MGAT1: variants seen among roughly 807,000 people sequenced by gnomAD.
MGAT1 encodes N-glycosyl-oligosaccharide-glycoprotein N-acetylglucosaminyltransferase I.
MGAT1 carries 14 observed loss-of-function variants against 31.7 expected under a neutral mutation model. That is an observed-to-expected ratio of 0.44 (90% CI 0.29 to 0.69). The LOEUF (loss-of-function observed/expected upper bound fraction) is 0.69, where lower values mean the gene tolerates loss of function less well. MGAT1 is among the 30% of genes least tolerant of loss of function. The pLI, the probability that MGAT1 is intolerant of heterozygous loss-of-function variation, is 0.12. For synonymous variants in MGAT1, 338 were observed against 276.0 expected, an observed-to-expected ratio of 1.22 and a Z score of -2.23; for missense variants, 557 against 626.0, an observed-to-expected ratio of 0.89 and a Z score of 1.18.
upstream of MGAT1, among the ~76,000 whole-genome samples, chr5:180,805,096 G>C (rs1014470908): frequency 3.3e-5 from 5 of 152,312 alleles, no homozygotes; most frequent in Non-Finnish European, 5.9e-5. Flanking sequence ...CTGAGCTCTT[G>C]ATAGAGGTTA....
At chr5:180,803,416 G>A (rs2113503316), upstream of MGAT1, 1 of 152,584 alleles carries the variant, frequency 6.6e-6, no homozygotes, top group Middle Eastern at 3.4e-3. Context: ...CAGCAGGGGA[G>A]GCCCACCAGC....
chr5:180,814,909 CCAGCCTAGGCGA>C (rs1460008080), intron 1 of MGAT1, among the ~76,000 whole-genome samples: 1 of 150,716 alleles, frequency 6.6e-6, no homozygotes, highest in Non-Finnish European at 1.5e-5. Context: ...CCACTGCACT[CCAGCCTAGGCGA>C]CAGAGTGAGA....
intron 1 of MGAT1, among the ~76,000 whole-genome samples, chr5:180,795,089 T>A (rs1769044145): frequency 6.6e-6 from 1 of 152,132 alleles, no homozygotes. Flanking sequence ...AAAGAGCACA[T>A]ACACTGTGAT....
At position 180,792,236 on chromosome 5, in the gene MGAT1, T is replaced by C. The variant is rs557462333; in HGVS notation, c.736A>G (p.Lys246Glu). 6.2e-7 allele frequency: 1 copy of C among 1,613,110 alleles called. No homozygotes were observed. The highest frequency in any genetic ancestry group is 1.1e-5 in the South Asian group (1 of 91,080). ...CTGCTGGCGTCCACCATCTGCTCCT[T>C]GCCGTTGTCATTCCAGGCCGAGACG... Reference protein sequence around the residue: ...WCVSAWNDNGKEQMVDASRPE... With the variant: ...WCVSAWNDNGEEQMVDASRPE... The change falls in exon 2 of 2, where the codon AAG (lysine) becomes GAG (glutamate). Residue 246 changes from lysine to glutamate, a missense_variant. Physicochemically the swap from Lys to Glu is moderately conservative, Grantham distance 56. Around this residue, in one of 3 missense-constraint regions of MGAT1, gnomAD observed 245 missense variants for 332.9 expected, o/e 0.74. Coordinates refer to ENST00000307826, the MANE Select transcript of MGAT1 (RefSeq NM_002406.4).
Position 180,792,489 on chromosome 5 carries a change from G to A in MGAT1, c.483C>T (p.His161=). The change falls in exon 2 of 2, where the codon CAC becomes CAT. Residue 161 remains histidine (H), a synonymous_variant. Transcript: ENST00000307826. ...AIASYGSAVT[H]IRQPDLSSIA... is the part of the protein sequence containing the mutation. ...TGCTGCTCAGGTCGGGCTGCCGGAT[G>A]TGCGTGACCGCGCTGCCGTAGGAGG... The A allele has an allele frequency of 6.2e-7, 1 of 1,612,828 alleles. No homozygotes were observed. The highest frequency in any genetic ancestry group is 1.1e-5 in the South Asian group (1 of 91,064).
chr5:180,812,441 GTCA>G (rs1772635990), intron 1 of MGAT1, among the ~76,000 whole-genome samples: 1 of 152,072 alleles, frequency 6.6e-6, no homozygotes, highest in Non-Finnish European at 1.5e-5. Context: ...GTTATAACAA[GTCA>G]TACAGAGTTG....
In MGAT1 at chr5:180,789,633, G is replaced by A. The variant is rs1384109727; in HGVS notation, c.*2001C>T. On this transcript the variant is annotated 3_prime_UTR_variant, in exon 2 of 2. Coordinates refer to ENST00000307826, the MANE Select transcript of MGAT1 (RefSeq NM_002406.4). ...ATCAAGTTCGTGAGTCACAAAAAGC[G>A]TTTTGTTTTTCCGAGACAGAGTCTT... The A allele has an allele frequency of 6.7e-6, 1 of 148,690 alleles. No homozygotes were observed. Among genetic ancestry groups the A allele is most frequent in the African/African-American group, 2.5e-5 (1 of 40,120 alleles). The allele number at this position is 148,690 out of a possible 1,614,324, so 9.2% of individuals were successfully genotyped here. A position where few individuals can be genotyped will look rare whatever the true frequency, so the allele number is the denominator to read the frequency against.
intron 1 of MGAT1, chr5:180,810,225 A>G (rs962035745): frequency 1.4e-5 from 2 of 146,836 alleles, no homozygotes; most frequent in African/African-American, 5.0e-5. Flanking sequence ...CGTCCTCCGG[A>G]AGTGGGCCCC....
Position 180,791,425 on chromosome 5 carries a change from A to C in MGAT1, c.*209T>G. The C allele has an allele frequency of 1.5e-6, 1 of 659,286 alleles. No homozygotes were observed. The highest frequency in any genetic ancestry group is 2.8e-5 in the East Asian group (1 of 36,214). 40.8% of individuals were successfully genotyped at this position (659,286 alleles called of 1,614,324 possible). On this transcript the variant is annotated 3_prime_UTR_variant, in exon 2 of 2. Coordinates refer to ENST00000307826, the MANE Select transcript of MGAT1 (RefSeq NM_002406.4). ...TTTCCTGCTTAATACCCCGCAACAT[A>C]CCCTAGAATAGTTCCCCTGATCTGA...
chr5:180,791,839 C>T lies in MGAT1; in HGVS notation c.1133G>A (p.Arg378Gln), dbSNP rs144433730. ...LQVEKVRTND[R>Q]KELGEVRVQY... ...CACCCGCACCTCCCCCAGCTCCTTC[C>T]GGTCATTGGTCCTCACTTTCTCCAC... Residue 378 changes from arginine to glutamine, a missense_variant, in exon 2 of 2, where the codon CGG (arginine) becomes CAG (glutamine). Transcript: ENST00000307826. The T allele has an allele frequency of 3.2e-5, 52 of 1,614,220 alleles. No homozygotes were observed. In the South Asian group the frequency reaches 4.7e-4, roughly 15 times the overall value.
rs1768409753 is a variant in MGAT1 at position 180,792,543 on chromosome 5, G to A, written c.429C>T (p.Cys143=). 1.4e-5 allele frequency: 23 copies of A among 1,612,910 alleles called. No homozygotes were observed. Among genetic ancestry groups the A allele is most frequent in the Non-Finnish European group, 1.9e-5 (23 of 1,179,846 alleles). ...ELFPIIVSQD[C]GHEETAQAIA... Reference sequence around the variant, plus strand: ...TGGCCTGGGCCGTCTCCTCGTGCCCGCAGTCCTGGCTAACGATGATGGGGA... The same window carrying A: ...TGGCCTGGGCCGTCTCCTCGTGCCCACAGTCCTGGCTAACGATGATGGGGA... The change falls in exon 2 of 2, where the codon TGC becomes TGT. Residue 143 remains cysteine, a synonymous_variant. Coordinates refer to ENST00000307826, the MANE Select transcript of MGAT1 (RefSeq NM_002406.4).
upstream of MGAT1, among the ~76,000 whole-genome samples, chr5:180,804,325 C>A (rs993988504): frequency 6.6e-6 from 1 of 152,250 alleles, no homozygotes; most frequent in East Asian, 1.9e-4. Flanking sequence ...CCCCAACACC[C>A]CCGCACACAT....
upstream of MGAT1, among the ~76,000 whole-genome samples, chr5:180,805,158 C>T (rs1426153759): frequency 1.3e-5 from 2 of 151,102 alleles, no homozygotes; most frequent in African/African-American, 2.4e-5. Flanking sequence ...GGCCAGGATT[C>T]TGGGGGTGGG....
Position 180,792,332 on chromosome 5 carries a change from C to A in MGAT1, c.640G>T (p.Val214Leu), listed in dbSNP as rs1235671181. 1.9e-6 allele frequency: 3 copies of A among 1,611,276 alleles called. No individual in the cohort carries two copies. ...AAVVVEDDLE[V>L]APDFFEYFRA... ...AAGTACTCGAAGAAGTCCGGGGCCA[C>A]CTCCAGGTCATCCTCCACCACCACG... is the stretch of plus-strand genomic sequence containing the variant. The change falls in exon 2 of 2, where the codon GTG becomes TTG. Residue 214 changes from valine to leucine, a missense_variant. Coordinates refer to ENST00000307826, the MANE Select transcript of MGAT1 (RefSeq NM_002406.4).
At chr5:180,811,655 C>T (rs1174124345) in intron 1 of MGAT1, among the ~76,000 whole-genome samples, 2 of 152,154 alleles carry the variant, frequency 1.3e-5, no homozygotes, top group African/African-American at 4.8e-5. Flanking sequence ...CCTAGGTCTC[C>T]CTGCCCTCCC....
At chr5:180,801,002 T>TG (rs1741894945) in intron 1 of MGAT1, among the ~76,000 whole-genome samples, 1 of 152,244 alleles carries the variant, frequency 6.6e-6, no homozygotes, top group Non-Finnish European at 1.5e-5. Flanking sequence ...CAAAGACATC[T>TG]GCACCATGGT....
In MGAT1 at chr5:180,791,336, G is replaced by A. The variant is rs936903991; in HGVS notation, c.*298C>T. ...GCCAAACTCTCTGCACATGCTCCAG[G>A]AGAAAGCTCAGGACGTGGACATTTC... On this transcript the variant is annotated 3_prime_UTR_variant, in exon 2 of 2. Transcript: ENST00000307826. 5.2e-5 allele frequency: 25 copies of A among 481,790 alleles called. No individual in the cohort carries two copies. The highest frequency in any genetic ancestry group is 3.1e-4 in the African/African-American group (16 of 51,622). 29.8% of individuals were successfully genotyped at this position (481,790 alleles called of 1,614,324 possible). A position where few individuals can be genotyped will look rare whatever the true frequency, so the allele number is the denominator to read the frequency against.
chr5:180,789,166 G>C lies in MGAT1; in HGVS notation c.*2468C>G, dbSNP rs1049482594. 1 of 152,294 alleles carries C rather than the reference G, an allele frequency of 6.6e-6. No individual in the cohort carries two copies. The highest frequency in any genetic ancestry group is 2.4e-5 in the African/African-American group (1 of 41,464). The allele number at this position is 152,294 out of a possible 1,614,324, so 9.4% of individuals were successfully genotyped here. A position where few individuals can be genotyped will look rare whatever the true frequency, so the allele number is the denominator to read the frequency against. ...CACTGGTTTCTGAGCCCAGATGGGA[G>C]GTTGGAGCTGCTCCCAAGGCCACGG... On this transcript the variant is annotated 3_prime_UTR_variant, in exon 2 of 2. Coordinates refer to ENST00000307826, the MANE Select transcript of MGAT1 (RefSeq NM_002406.4).
rs1198409698 is a variant in MGAT1 at position 180,793,002 on chromosome 5, G to A, written c.-31C>T. 2.5e-6 allele frequency: 4 copies of A among 1,610,812 alleles called. No homozygotes were observed. The highest frequency in any genetic ancestry group is 4.5e-5 in the East Asian group (2 of 44,788). Reference sequence around the variant, plus strand: ...CCCCCACCGGGGAGGGCAGGCCAGGGGACGGTTCAAGGCTGCCCTGGGCTT... The same window carrying A: ...CCCCCACCGGGGAGGGCAGGCCAGGAGACGGTTCAAGGCTGCCCTGGGCTT... On this transcript the variant is annotated 5_prime_UTR_variant, in exon 2 of 2. Transcript: ENST00000307826.
Sources: allele counts gnomAD v4.1 joint callset (sites outside exome capture counted in the v4.1 genomes callset), GRCh38; gene constraint gnomAD v4.1.1; regional missense constraint gnomAD v4.1.1; transcripts MANE v1.5; gene names NCBI Gene and HGNC (gene_info 2026-07-23, HGNC 2026-07-21).